The following SHANK2 variants were observed in gnomAD, a reference collection of about 807,000 sequenced individuals.
The protein encoded by SHANK2 is SH3 and multiple ankyrin repeat domains protein 2.
In SHANK2, 43 loss-of-function variants were observed where a neutral mutation model predicts 133.7. The observed-to-expected ratio is 0.32, with a 90% CI of 0.25 to 0.41. The LOEUF is 0.41. Ranked by LOEUF, SHANK2 falls within the 10% of genes least tolerant of loss-of-function variation. The probability of loss-of-function intolerance (pLI) is 1.00; values close to 1 mark genes in which losing one functional copy is unlikely to be tolerated. For synonymous variants in SHANK2, 1,017 were observed against 952.8 expected (o/e 1.07, Z -1.24); for missense variants, 1,994 against 2,235.8 (o/e 0.89, Z 2.18).
intron 17 of SHANK2, among the ~76,000 whole-genome samples, chr11:70,581,474 C>T (rs117622009): frequency 0.017 from 2,648 of 152,148 alleles, 87 homozygotes; most frequent in East Asian, 0.12. Flanking sequence ...GCAGATCACT[C>T]GAGGTTGGGA....
At chr11:70,583,593 C>A (rs1201627629) in intron 17 of SHANK2, among the ~76,000 whole-genome samples, 3 of 152,186 alleles carry the variant, frequency 2.0e-5, no homozygotes, top group Admixed American at 2.0e-4. Context: ...GCCCAGATGG[C>A]ACGGAAAACA....
intron 11 of SHANK2, among the ~76,000 whole-genome samples, chr11:70,849,378 T>G (rs1156562009): frequency 6.6e-6 from 1 of 152,174 alleles, no homozygotes; most frequent in East Asian, 1.9e-4. Flanking sequence ...TCTCCCTAGA[T>G]CACATCTGTG....
At chr11:70,482,592 T>G (rs1555152000) in intron 25 of SHANK2, among the ~76,000 whole-genome samples, 1 of 152,032 alleles carries the variant, frequency 6.6e-6, no homozygotes, top group African/African-American at 2.4e-5. Context: ...GTTCACACAG[T>G]GGGAAAAATT....
intron 25 of SHANK2, chr11:70,474,107 G>A (rs1367221368): frequency 3.5e-5 from 6 of 171,682 alleles, no homozygotes; most frequent in East Asian, 1.4e-4. Flanking sequence ...ACAGCAGGGC[G>A]TGGCTTGTGT....
chr11:70,860,828 C>T (rs1232437869), intron 11 of SHANK2, among the ~76,000 whole-genome samples: 1 of 152,182 alleles, frequency 6.6e-6, no homozygotes, highest in Non-Finnish European at 1.5e-5. Context: ...CAAGACCAAC[C>T]TGGGCAACAT....
intron 22 of SHANK2, 151 bp downstream of exon 22, chr11:70,492,184 C>G (rs782508333): frequency 9.6e-6 from 11 of 1,151,820 alleles, no homozygotes; most frequent in Middle Eastern, 5.6e-4. Context: ...AGACCCGGCT[C>G]TTTGTCCTGT....
chr11:70,823,402 G>T lies in SHANK2; in HGVS notation c.1175-2720C>A, dbSNP rs544076716. Among the ~76,000 whole-genome samples, 185 of 145,042 alleles carry T rather than the reference G, an allele frequency of 1.3e-3. 3 individuals are homozygous for T. Among genetic ancestry groups the T allele is most frequent in the African/African-American group, 4.6e-3 (176 of 38,542 alleles). ...CTGGCAGAGTTCATAGGGGACAGAG[G>T]TGGCGTTGGCAGAACTCGGGGGACA... On this transcript the variant is annotated intron_variant, in intron 11 of 25. Transcript: ENST00000601538.
chr11:70,583,492 C>T (rs1046417388), intron 17 of SHANK2, among the ~76,000 whole-genome samples: 2 of 152,186 alleles, frequency 1.3e-5, no homozygotes, highest in Admixed American at 1.3e-4. Context: ...CTGGCAGGTG[C>T]GATTTTCATG....
chr11:70,714,780 T>C (rs1555026913), intron 14 of SHANK2, among the ~76,000 whole-genome samples: 2 of 152,088 alleles, frequency 1.3e-5, no homozygotes, highest in Non-Finnish European at 2.9e-5. Flanking sequence ...TTTTTTTTTC[T>C]TTTGCAAAAG....
intron 17 of SHANK2, among the ~76,000 whole-genome samples, chr11:70,572,612 C>G (rs1033700816): frequency 1.3e-5 from 2 of 152,194 alleles, no homozygotes; most frequent in Non-Finnish European, 2.9e-5. Flanking sequence ...CATTCCACTT[C>G]CGGCTTCACA....
At chr11:70,713,337 G>T (rs2134600242) in intron 14 of SHANK2, among the ~76,000 whole-genome samples, 1 of 152,378 alleles carries the variant, frequency 6.6e-6, no homozygotes, top group East Asian at 1.9e-4. Context: ...TGGTTGTACT[G>T]CAAGATGAGT....
At chr11:70,611,777 G>A (rs2060660535) in intron 17 of SHANK2, among the ~76,000 whole-genome samples, 1 of 152,196 alleles carries the variant, frequency 6.6e-6, no homozygotes, top group Non-Finnish European at 1.5e-5. Flanking sequence ...TTTCTAGGTA[G>A]TCAAGCACCC....
chr11:71,105,371 T>A (rs1951785723), intron 6 of SHANK2, among the ~76,000 whole-genome samples: 2 of 151,918 alleles, frequency 1.3e-5, no homozygotes. Flanking sequence ...GGTGGGTGGA[T>A]CACTTGAGGT....
At chr11:70,502,044 G>T (rs2059061769) in intron 19 of SHANK2, 113 bp from the exon 20 acceptor site, 2 of 1,351,490 alleles carry the variant, frequency 1.5e-6, no homozygotes, top group South Asian at 2.5e-5. Context: ...CACACATGGG[G>T]CTGCGGGGCA....
rs1953724774 is a variant in SHANK2 at position 71,188,685 on chromosome 11, T to C, written c.-13+36012A>G. Among the ~76,000 whole-genome samples, 1 of 151,904 alleles carries C rather than the reference T, an allele frequency of 6.6e-6. No individual in the cohort carries two copies. The highest frequency in any genetic ancestry group is 2.4e-5 in the African/African-American group (1 of 41,336). On this transcript the variant is annotated intron_variant, in intron 2 of 25. Transcript: ENST00000601538. The surrounding 1 kb of genome is among the most constrained non-coding windows in gnomAD (Gnocchi z 4.6). ...CAAATGCACCGTGCTGGTGCTAGAG[T>C]GCCCTGCTCACTCATCTGTCGCCCA... is the stretch of plus-strand genomic sequence containing the variant.
intron 9 of SHANK2, among the ~76,000 whole-genome samples, chr11:71,060,185 T>A (rs1466923999): frequency 1.3e-5 from 2 of 152,184 alleles, no homozygotes; most frequent in African/African-American, 4.8e-5. Context: ...GTCACAACTG[T>A]GAGTGCTACT....
At chr11:71,202,572 G>A (rs1457316642) in intron 2 of SHANK2, among the ~76,000 whole-genome samples, 1 of 152,160 alleles carries the variant, frequency 6.6e-6, no homozygotes, top group African/African-American at 2.4e-5. Flanking sequence ...GCTTCCAGGT[G>A]GCTCTGCCCA....
At chr11:70,834,886 C>T (rs1320167299) in intron 11 of SHANK2, among the ~76,000 whole-genome samples, 2 of 151,810 alleles carry the variant, frequency 1.3e-5, no homozygotes, top group Non-Finnish European at 2.9e-5. Context: ...GGGTCTCTCT[C>T]CCTGGTTGGA....
In SHANK2 at chr11:70,472,564, C is replaced by T. The variant is rs970184080; in HGVS notation, c.*305G>A. On this transcript the variant is annotated 3_prime_UTR_variant, in exon 26 of 26. Coordinates refer to ENST00000601538, the MANE Select transcript of SHANK2 (RefSeq NM_012309.5). The surrounding 1 kb of genome is among the most constrained non-coding windows in gnomAD (Gnocchi z 4.4). ...CGTGCAAAATTGACGGGGAGCCTCT[C>T]GGACCCGGCAAAGCGAGGCCACCTG... The T allele has an allele frequency of 1.8e-4, 78 of 436,960 alleles. No homozygotes were observed. The highest frequency in any genetic ancestry group is 3.1e-4 in the Non-Finnish European group (72 of 235,158). 27.1% of individuals were successfully genotyped at this position (436,960 alleles called of 1,614,324 possible).
Sources: gnomAD v4.1 joint callset for allele counts (sites outside exome capture counted in the v4.1 genomes callset) on GRCh38, gnomAD v4.1.1 for gene constraint, Gnocchi (gnomAD v3.1) non-coding constraint, MANE v1.5 for transcripts, NCBI Gene and HGNC (gene_info 2026-07-23, HGNC 2026-07-21) for gene names.